The following KCNQ5 variants were observed in gnomAD, a reference collection of about 807,000 sequenced individuals.
KCNQ5 encodes the protein potassium voltage-gated channel subfamily KQT member 5.
Under a neutral mutation model 98.2 loss-of-function variants are expected in KCNQ5, and 30 were observed. The ratio of observed to expected loss-of-function variants is 0.31; its 90% CI spans 0.23 to 0.41. KCNQ5 has a LOEUF of 0.41. Among genes scored for constraint, KCNQ5 ranks in the 10% least tolerant of loss-of-function variants. The probability of loss-of-function intolerance (pLI) is 1.00; values close to 1 mark genes in which losing one functional copy is unlikely to be tolerated. For synonymous variants in KCNQ5, 458 were observed against 449.4 expected, an observed-to-expected ratio of 1.02 and a Z score of -0.24; for missense variants, 835 against 1,182.5, an observed-to-expected ratio of 0.71 and a Z score of 4.31.
At chr6:72,926,513 G>T (rs1188902535) in intron 1 of KCNQ5, among the ~76,000 whole-genome samples, 1 of 151,992 alleles carries the variant, frequency 6.6e-6, no homozygotes, top group African/African-American at 2.4e-5. Context: ...GACTCCCTAA[G>T]CCTCAAATTA....
intron 1 of KCNQ5, among the ~76,000 whole-genome samples, chr6:72,837,423 T>G (rs1373483966): frequency 6.6e-6 from 1 of 152,046 alleles, no homozygotes; most frequent in Non-Finnish European, 1.5e-5. Flanking sequence ...AATTCTGAGC[T>G]CTTCATTGTC....
chr6:72,694,089 G>T (rs948568774), intron 1 of KCNQ5, among the ~76,000 whole-genome samples: 3 of 152,090 alleles, frequency 2.0e-5, no homozygotes, highest in African/African-American at 4.8e-5. Flanking sequence ...AGCCCACCCT[G>T]TTTTAAGCTA....
chr6:72,782,553 T>C (rs992889139), intron 1 of KCNQ5, among the ~76,000 whole-genome samples: 4 of 152,188 alleles, frequency 2.6e-5, no homozygotes, highest in African/African-American at 9.7e-5. Context: ...GAATTAATCA[T>C]ATTAGGACAC....
At chr6:72,975,169 T>G (rs181064291) in intron 1 of KCNQ5, among the ~76,000 whole-genome samples, 2 of 152,220 alleles carry the variant, frequency 1.3e-5, no homozygotes, top group East Asian at 3.9e-4. Context: ...ATATGTTAGG[T>G]AAAGCCACAT....
chr6:73,058,874 C>G (rs1166697577), intron 3 of KCNQ5, among the ~76,000 whole-genome samples: 1 of 152,118 alleles, frequency 6.6e-6, no homozygotes, highest in East Asian at 1.9e-4. Context: ...TACCATCTCA[C>G]AAAAGTCAGA....
At chr6:73,190,447 A>C in intron 11 of KCNQ5, 126 bp from the exon 12 acceptor site, 1 of 449,742 alleles carries the variant, frequency 2.2e-6, no homozygotes, top group Non-Finnish European at 3.7e-6. Context: ...ACATCTGCAG[A>C]AGCCAAAAAT....
In KCNQ5 at chr6:72,746,986, A is replaced by G. The variant is rs1348155863; in HGVS notation, c.398+124399A>G. ...TACACTCTAAGTCTTGCCTAGAATG[A>G]TACAAGATATGGATTTTGAGTTATT... On this transcript the variant is annotated intron_variant, in intron 1 of 13. Transcript: ENST00000370398. 1.8e-4 allele frequency among the ~76,000 whole-genome samples: 27 copies of G among 152,188 alleles called. 1 individual carries two copies. Among genetic ancestry groups the G allele is most frequent in the Admixed American group, 1.8e-3 (27 of 15,270 alleles).
chr6:72,882,321 T>G (rs1244713092), intron 1 of KCNQ5, among the ~76,000 whole-genome samples: 2 of 152,180 alleles, frequency 1.3e-5, no homozygotes, highest in Non-Finnish European at 2.9e-5. Flanking sequence ...AAAGAGAGCA[T>G]CATGTTAAAA....
chr6:72,959,060 T>C (rs1767216373), intron 1 of KCNQ5, among the ~76,000 whole-genome samples: 1 of 152,236 alleles, frequency 6.6e-6, no homozygotes, highest in Non-Finnish European at 1.5e-5. Flanking sequence ...CAGTACTCTT[T>C]GTTTTCCCTC....
chr6:73,151,700 A>G (rs1335404022), intron 10 of KCNQ5, among the ~76,000 whole-genome samples: 1 of 152,208 alleles, frequency 6.6e-6, no homozygotes, highest in Non-Finnish European at 1.5e-5. Flanking sequence ...GGAAACCTCC[A>G]TTCTCCTTTT....
chr6:72,846,060 T>C (rs1700833559), intron 1 of KCNQ5, among the ~76,000 whole-genome samples: 2 of 152,292 alleles, frequency 1.3e-5, no homozygotes, highest in South Asian at 4.1e-4. Flanking sequence ...ACCACTCTGC[T>C]TATTAACATC....
chr6:72,662,819 T>C (rs941589371), intron 1 of KCNQ5, among the ~76,000 whole-genome samples: 3 of 152,180 alleles, frequency 2.0e-5, no homozygotes, highest in East Asian at 1.9e-4. Flanking sequence ...GCTACAAATA[T>C]GCATCATACA....
rs897417306 is a variant in KCNQ5, at chr6:73,155,919, T to C, written c.1469-13827T>C. On this transcript the variant is annotated intron_variant, in intron 10 of 13. Transcript: ENST00000370398. ...TTTTTCTGGGTTCCTTATTCATGCC[T>C]TGAGGACCTAGTTTGTCTCTTGGTT... is the stretch of plus-strand genomic sequence containing the variant. Among the ~76,000 whole-genome samples the C allele has an allele frequency of 3.3e-5, 5 of 152,336 alleles. No individual in the cohort carries two copies. In the South Asian group the frequency reaches 1.0e-3, roughly 32 times the overall value.
At chr6:72,716,180 G>T (rs1242126292) in intron 1 of KCNQ5, among the ~76,000 whole-genome samples, 1 of 152,112 alleles carries the variant, frequency 6.6e-6, no homozygotes, top group African/African-American at 2.4e-5. Flanking sequence ...AATAAAATTT[G>T]TCCCTTAAGT....
chr6:72,911,703 G>T (rs1331757235), intron 1 of KCNQ5, among the ~76,000 whole-genome samples: 3 of 152,092 alleles, frequency 2.0e-5, no homozygotes, highest in African/African-American at 7.2e-5. Flanking sequence ...GGCCAGCATG[G>T]TAGCTGTCAG....
chr6:72,623,305 A>T (rs1312983060), intron 1 of KCNQ5, among the ~76,000 whole-genome samples: 1 of 151,540 alleles, frequency 6.6e-6, no homozygotes, highest in Non-Finnish European at 1.5e-5. Context: ...ACGCGGGCGG[A>T]GGTGCGATAG....
chr6:72,729,032 G>A lies in KCNQ5; in HGVS notation c.398+106445G>A, dbSNP rs114395810. ...AATAGTAGTATACTATAAGTACTGC[G>A]CAATGTTCTTTTTTTCACTTAATAT... On this transcript the variant is annotated intron_variant, in intron 1 of 13. Coordinates refer to ENST00000370398, the MANE Select transcript of KCNQ5 (RefSeq NM_019842.4). 3.3e-3 allele frequency among the ~76,000 whole-genome samples: 503 copies of A among 151,906 alleles called. 3 individuals carry two copies. Among genetic ancestry groups the A allele is most frequent in the African/African-American group, 3.8e-3 (157 of 41,426 alleles).
At chr6:72,731,416 A>G (rs1343879581) in intron 1 of KCNQ5, among the ~76,000 whole-genome samples, 1 of 152,242 alleles carries the variant, frequency 6.6e-6, no homozygotes, top group Non-Finnish European at 1.5e-5. Flanking sequence ...GTGTCTTTCA[A>G]CACAATAAAG....
intron 2 of KCNQ5, among the ~76,000 whole-genome samples, chr6:73,013,964 G>A (rs1282881333): frequency 1.3e-5 from 2 of 152,084 alleles, no homozygotes; most frequent in East Asian, 3.9e-4. Flanking sequence ...ATTCTGTTTT[G>A]CAAATATTCA....
Sources: allele counts gnomAD v4.1 joint callset (sites outside exome capture counted in the v4.1 genomes callset), GRCh38; gene constraint gnomAD v4.1.1; transcripts MANE v1.5; gene names NCBI Gene and HGNC (gene_info 2026-07-23, HGNC 2026-07-21).